TGFB2: variants seen among roughly 807,000 people sequenced by gnomAD.
TGFB2 encodes the protein transforming growth factor beta-2 proprotein.
In TGFB2, 13 loss-of-function variants were observed where a neutral mutation model predicts 42.7. That is an observed-to-expected ratio of 0.30 (90% confidence interval 0.20 to 0.48). The LOEUF is 0.48. Among genes scored for constraint, TGFB2 ranks in the 20% least tolerant of loss-of-function variants. The pLI is 0.99. For synonymous variants in TGFB2, 193 were observed against 193.6 expected (o/e 1.00, Z 0.03); for missense variants, 390 against 517.5 (o/e 0.75, Z 2.39).
At chr1:218,406,692 T>C (rs1038139579) in intron 2 of TGFB2, among the ~76,000 whole-genome samples, 1 of 152,178 alleles carries the variant, frequency 6.6e-6, no homozygotes, top group Non-Finnish European at 1.5e-5. Context: ...ATCATCATTC[T>C]TGGCAGGAAG....
At chr1:218,382,985 T>C (rs1355595041) in intron 1 of TGFB2, among the ~76,000 whole-genome samples, 2 of 152,156 alleles carry the variant, frequency 1.3e-5, no homozygotes, top group Middle Eastern at 3.2e-3. Context: ...TTCATGGGGG[T>C]AAGAAGATTG....
chr1:218,422,799 G>A (rs1024520628), intron 2 of TGFB2, among the ~76,000 whole-genome samples: 6 of 151,966 alleles, frequency 3.9e-5, no homozygotes, highest in Non-Finnish European at 8.8e-5. Flanking sequence ...TGGGGTATAC[G>A]TATAATGCAA....
At chr1:218,425,308 C>T (rs777878196) in intron 2 of TGFB2, among the ~76,000 whole-genome samples, 119 of 152,124 alleles carry the variant, frequency 7.8e-4, no homozygotes, top group Admixed American at 3.5e-3. Context: ...CCTGGGTTCA[C>T]GCCATTCTCC....
Position 218,405,255 on chromosome 1 carries a change from G to T in TGFB2, c.433G>T (p.Val145Leu). Reference sequence around the variant, plus strand: ...AATGGAGAAGAATGCTTCCAATTTGGTGAAAGCAGAGTTCAGAGTCTTTCG... The same window carrying T: ...AATGGAGAAGAATGCTTCCAATTTGTTGAAAGCAGAGTTCAGAGTCTTTCG... The part of the protein sequence containing the change: ...SAMEKNASNL[V>L]KAEFRVFRLQ... The change falls in exon 2 of 7, where the codon GTG (valine) becomes TTG (leucine). Residue 145 changes from valine (V) to leucine (L), a missense_variant. By Grantham distance (32) the Val-to-Leu change is conservative. Transcript: ENST00000366930. 2 of 1,614,092 alleles carry T rather than the reference G, an allele frequency of 1.2e-6. No homozygotes were observed. The highest frequency in any genetic ancestry group is 1.7e-6 in the Non-Finnish European group (2 of 1,179,964).
intron 2 of TGFB2, among the ~76,000 whole-genome samples, chr1:218,428,880 C>G (rs768860473): frequency 5.9e-5 from 9 of 151,462 alleles, no homozygotes; most frequent in Non-Finnish European, 2.9e-5. Context: ...AAGAAAGCCA[C>G]TGGTAGCTTG....
intron 2 of TGFB2, among the ~76,000 whole-genome samples, chr1:218,432,887 G>A (rs1365869236): frequency 6.6e-6 from 1 of 152,140 alleles, no homozygotes; most frequent in Non-Finnish European, 1.5e-5. Flanking sequence ...CAGGGTTTCA[G>A]TAGGGATTTA....
At chr1:218,432,977 A>G (rs1239683456) in intron 2 of TGFB2, among the ~76,000 whole-genome samples, 1 of 152,186 alleles carries the variant, frequency 6.6e-6, no homozygotes, top group Non-Finnish European at 1.5e-5. Context: ...ACCACCTAAA[A>G]TATTCACTTC....
chr1:218,393,927 G>A (rs1447102096), intron 1 of TGFB2, among the ~76,000 whole-genome samples: 2 of 138,668 alleles, frequency 1.4e-5, no homozygotes, highest in African/African-American at 5.3e-5. Flanking sequence ...TTTTTTTTTA[G>A]ACAGAGCCTT....
chr1:218,371,679 C>G (rs183043012), intron 1 of TGFB2, among the ~76,000 whole-genome samples: 1 of 152,340 alleles, frequency 6.6e-6, no homozygotes, highest in African/African-American at 2.4e-5. Flanking sequence ...TAGATTGTCA[C>G]TCTGGTCCTG....
At chr1:218,425,660 A>T (rs890523210) in intron 2 of TGFB2, among the ~76,000 whole-genome samples, 1 of 152,216 alleles carries the variant, frequency 6.6e-6, no homozygotes, top group African/African-American at 2.4e-5. Flanking sequence ...ATTATTAAGG[A>T]AGACTAGTTG....
At chr1:218,378,816 C>A (rs1657848155) in intron 1 of TGFB2, among the ~76,000 whole-genome samples, 1 of 151,494 alleles carries the variant, frequency 6.6e-6, no homozygotes, top group African/African-American at 2.4e-5. Flanking sequence ...AAACAATATG[C>A]ATTGTGAGTG....
Position 218,443,156 on chromosome 1 carries a change from C to G in TGFB2, c.*1794C>G, listed in dbSNP as rs1245924020. 6.6e-6 allele frequency: 1 copy of G among 152,186 alleles called. No homozygotes were observed. The highest frequency in any genetic ancestry group is 1.9e-4 in the East Asian group (1 of 5,200). 9.4% of individuals were successfully genotyped at this position (152,186 alleles called of 1,614,324 possible). A position where few individuals can be genotyped will look rare whatever the true frequency, so the allele number is the denominator to read the frequency against. On this transcript the variant is annotated 3_prime_UTR_variant, in exon 7 of 7. Coordinates refer to ENST00000366930, the MANE Select transcript of TGFB2 (RefSeq NM_003238.6). The stretch of plus-strand genomic sequence containing the variant: ...TTTTCCTATGATCAAAAAATTCTTT[C>G]TTTCCTCTGAGTGAGAGTTATCTAT...
At chr1:218,425,268 T>C (rs1659584647) in intron 2 of TGFB2, among the ~76,000 whole-genome samples, 1 of 152,098 alleles carries the variant, frequency 6.6e-6, no homozygotes, top group Non-Finnish European at 1.5e-5. Context: ...AGTGCAGTGG[T>C]GTGTTCTCGG....
chr1:218,399,435 T>C (rs188533458), intron 1 of TGFB2, among the ~76,000 whole-genome samples: 52 of 152,216 alleles, frequency 3.4e-4, no homozygotes, highest in Non-Finnish European at 6.3e-4. Flanking sequence ...TTAGTACATA[T>C]AAAAACCGAA....
intron 1 of TGFB2, among the ~76,000 whole-genome samples, chr1:218,381,793 G>T (rs1657969831): frequency 6.6e-6 from 1 of 152,188 alleles, no homozygotes. Flanking sequence ...AATAAACAGA[G>T]GTAGTAGATG....
Position 218,441,358 on chromosome 1 carries a change from G to A in TGFB2, c.1241G>A (p.Ser414Asn). ...SNMIVKSCKC[S>N] ...ATGATTGTAAAGTCTTGCAAATGCA[G>A]CTAAAATTCTTGGAAAAGTGGCAAG... The change falls in exon 7 of 7, where the codon AGC (serine) becomes AAC (asparagine). Residue 414 changes from serine (S) to asparagine (N), a missense_variant. Coordinates refer to ENST00000366930, the MANE Select transcript of TGFB2 (RefSeq NM_003238.6). 1 of 1,596,636 alleles carries A rather than the reference G, an allele frequency of 6.3e-7. No individual in the cohort carries two copies. Among genetic ancestry groups the A allele is most frequent in the Non-Finnish European group, 8.5e-7 (1 of 1,175,670 alleles).
chr1:218,416,500 A>C (rs1374783251), intron 2 of TGFB2, among the ~76,000 whole-genome samples: 3 of 152,198 alleles, frequency 2.0e-5, no homozygotes, highest in Non-Finnish European at 4.4e-5. Context: ...GATTTGCGAA[A>C]GGTAGTGTTG....
Position 218,400,824 on chromosome 1 carries a change from G to A in TGFB2, c.347-4345G>A, listed in dbSNP as rs375310939. On this transcript the variant is annotated intron_variant, in intron 1 of 6. Coordinates refer to ENST00000366930, the MANE Select transcript of TGFB2 (RefSeq NM_003238.6). ...GCCTGACCCCAACTGTCATTGGGTG[G>A]AGGAAAACAGTGGCCACTGGGCGGG... 9.9e-5 allele frequency among the ~76,000 whole-genome samples: 15 copies of A among 152,220 alleles called. 1 individual carries two copies. The South Asian group carries it at 2.9e-3, about 30-fold the overall frequency.
At chr1:218,417,777 A>G (rs1461447481) in intron 2 of TGFB2, among the ~76,000 whole-genome samples, 1 of 152,236 alleles carries the variant, frequency 6.6e-6, no homozygotes, top group Admixed American at 6.5e-5. Context: ...CAGCCACTCC[A>G]GCTGTGGCTG....
Sources: allele counts gnomAD v4.1 joint callset (sites outside exome capture counted in the v4.1 genomes callset), GRCh38; gene constraint gnomAD v4.1.1; transcripts MANE v1.5; gene names NCBI Gene and HGNC (gene_info 2026-07-23, HGNC 2026-07-21).